PDE11A: variants seen among roughly 807,000 people sequenced by gnomAD.
PDE11A encodes the protein dual 3',5'-cyclic-AMP and -GMP phosphodiesterase 11A.
In PDE11A, 100 loss-of-function variants were observed where a neutral mutation model predicts 100.5. That is an observed-to-expected ratio of 1.00 (90% CI 0.85 to 1.18). The LOEUF (loss-of-function observed/expected upper bound fraction) is 1.18. Among genes scored for constraint, PDE11A ranks in the 50% most tolerant of loss-of-function variants. The pLI is 0.00. For synonymous variants in PDE11A, 381 were observed against 420.8 expected (o/e 0.91, Z 1.16); for missense variants, 1,141 against 1,152.6 (o/e 0.99, Z 0.15).
At chr2:177,743,828 G>C (rs115332230) in intron 10 of PDE11A, among the ~76,000 whole-genome samples, 1 of 152,202 alleles carries the variant, frequency 6.6e-6, no homozygotes, top group African/African-American at 2.4e-5. Context: ...AATCAGGAAG[G>C]GGTGATTGAA....
intron 4 of PDE11A, among the ~76,000 whole-genome samples, chr2:177,883,275 A>AT (rs1322135799): frequency 6.6e-6 from 1 of 151,998 alleles, no homozygotes; most frequent in Non-Finnish European, 1.5e-5. Context: ...CTCAAAAAAA[A>AT]AAAAAAGAAA....
At chr2:177,643,072 C>T (rs529601257) in intron 19 of PDE11A, among the ~76,000 whole-genome samples, 1 of 152,316 alleles carries the variant, frequency 6.6e-6, no homozygotes, top group South Asian at 2.1e-4. Context: ...TTGTAAATCA[C>T]CCAGTCTTGG....
chr2:177,924,190 C>A (rs780204494), intron 2 of PDE11A, among the ~76,000 whole-genome samples: 1 of 152,118 alleles, frequency 6.6e-6, no homozygotes, highest in Non-Finnish European at 1.5e-5. Context: ...GCTTTAAATT[C>A]TTGTCTTCAC....
intron 16 of PDE11A, among the ~76,000 whole-genome samples, chr2:177,678,918 C>T (rs1406542093): frequency 1.3e-5 from 2 of 149,568 alleles, no homozygotes; most frequent in Non-Finnish European, 3.0e-5. Flanking sequence ...TAGAAGGATG[C>T]TGAGGAAAAA....
intron 9 of PDE11A, among the ~76,000 whole-genome samples, chr2:177,805,346 C>T (rs1382710965): frequency 1.3e-5 from 2 of 151,756 alleles, no homozygotes; most frequent in Non-Finnish European, 2.9e-5. Context: ...TTTCAGTTTG[C>T]CTCCACATTC....
chr2:177,728,055 T>C lies in PDE11A; in HGVS notation c.1906A>G (p.Met636Val), dbSNP rs772360696. 8 of 1,613,302 alleles carry C rather than the reference T, an allele frequency of 5.0e-6. No homozygotes were observed. The East Asian group carries it at 1.8e-4, about 36-fold the overall frequency. ...TAGTCAATTTTAAATTTCTGTACCA[T>C]CCCCAGCTCCATGAACATCCGGAGA... ...AALRMFMELGMVQKFKIDYET... is the reference protein window; with the variant it reads ...AALRMFMELGVVQKFKIDYET... The change falls in exon 11 of 20, where the codon ATG becomes GTG. Residue 636 changes from methionine (M) to valine (V), a missense_variant. Coordinates refer to ENST00000286063, the MANE Select transcript of PDE11A (RefSeq NM_016953.4).
chr2:178,052,450 A>T (rs891310014), intron 1 of PDE11A, among the ~76,000 whole-genome samples: 1 of 152,214 alleles, frequency 6.6e-6, no homozygotes, highest in African/African-American at 2.4e-5. Context: ...CACAATTAAA[A>T]GAACTAGAGA....
intron 2 of PDE11A, chr2:177,998,691 G>T: frequency 1.8e-6 from 2 of 1,140,782 alleles, no homozygotes; most frequent in Non-Finnish European, 2.7e-6. Context: ...CACTTGATAG[G>T]CATCTTTATG....
intron 19 of PDE11A, among the ~76,000 whole-genome samples, chr2:177,654,582 A>T (rs1389260712): frequency 6.6e-6 from 1 of 152,138 alleles, no homozygotes; most frequent in East Asian, 1.9e-4. Context: ...CATATTAAGA[A>T]CTTTATGTTG....
chr2:177,828,689 G>T (rs1005865651), intron 6 of PDE11A, among the ~76,000 whole-genome samples: 4 of 152,188 alleles, frequency 2.6e-5, no homozygotes, highest in Non-Finnish European at 5.9e-5. Context: ...AGCCCCTGAG[G>T]TGGGCGTGTA....
At chr2:178,057,071 C>T (rs2086908874) in intron 1 of PDE11A, among the ~76,000 whole-genome samples, 1 of 152,092 alleles carries the variant, frequency 6.6e-6, no homozygotes, top group African/African-American at 2.4e-5. Context: ...TTGAGATAGC[C>T]AGCAGTTCAG....
intron 1 of PDE11A, among the ~76,000 whole-genome samples, chr2:178,043,942 G>T (rs2086713885): frequency 6.6e-6 from 1 of 152,072 alleles, no homozygotes; most frequent in Admixed American, 6.6e-5. Context: ...TGTCCTCAAG[G>T]CCTCTGTCCA....
At chr2:177,678,484 C>G (rs1425616902) in intron 16 of PDE11A, among the ~76,000 whole-genome samples, 1 of 152,016 alleles carries the variant, frequency 6.6e-6, no homozygotes, top group Non-Finnish European at 1.5e-5. Flanking sequence ...GAATTTATAC[C>G]AATAAAAGAC....
intron 19 of PDE11A, among the ~76,000 whole-genome samples, chr2:177,630,001 T>A (rs2079894275): frequency 6.6e-6 from 1 of 152,224 alleles, no homozygotes; most frequent in South Asian, 2.1e-4. Flanking sequence ...TAGATGACTC[T>A]GGGTGGACTT....
rs144784757 is a variant in PDE11A at position 178,016,862 on chromosome 2, T to A, written c.913-2402A>T. Among the ~76,000 whole-genome samples, 30 of 152,316 alleles carry A rather than the reference T, an allele frequency of 2.0e-4. No individual in the cohort carries two copies. The East Asian group carries it at 5.8e-3, about 29-fold the overall frequency. ...AAGGGAGAGTGAAAGAGGGAGGCAG[T>A]GACCAAATGGTGCCAAGTCTCACAG... On this transcript the variant is annotated intron_variant, in intron 1 of 19. Coordinates refer to ENST00000286063, the MANE Select transcript of PDE11A (RefSeq NM_016953.4).
chr2:177,648,718 T>C (rs981659556), intron 19 of PDE11A, among the ~76,000 whole-genome samples: 3 of 152,050 alleles, frequency 2.0e-5, no homozygotes, highest in Non-Finnish European at 2.9e-5. Flanking sequence ...GTAGAACTGA[T>C]AGAAAGACTA....
At chr2:178,001,311 T>TGC (rs59287027) in intron 2 of PDE11A, among the ~76,000 whole-genome samples, 1 of 148,018 alleles carries the variant, frequency 6.8e-6, no homozygotes, top group African/African-American at 2.5e-5. Context: ...TGTGTGTGTG[T>TGC]AGTAGGTTTA....
Position 177,909,883 on chromosome 2 carries a change from C to A in PDE11A, c.1072-4696G>T, listed in dbSNP as rs575560610. ...GGCTTACACTTATTTTCTCTCAGTACTTAAAACATATTATTCCCTTATCAA... is the reference window on the plus strand; with the variant it reads ...GGCTTACACTTATTTTCTCTCAGTAATTAAAACATATTATTCCCTTATCAA... On this transcript the variant is annotated intron_variant, in intron 2 of 19. Transcript: ENST00000286063. 5.6e-4 allele frequency among the ~76,000 whole-genome samples: 85 copies of A among 152,288 alleles called. 1 individual carries two copies. The South Asian group carries it at 0.017, about 31-fold the overall frequency.
rs542510512 is a variant in PDE11A at position 177,805,121 on chromosome 2, C to CA, written c.1737+11707dup. Among the ~76,000 whole-genome samples, 398 of 150,508 alleles carry CA rather than the reference C, an allele frequency of 2.6e-3. 2 individuals carry two copies. The highest frequency in any genetic ancestry group is 7.9e-4 in the Non-Finnish European group (53 of 67,496). On this transcript the variant is annotated intron_variant, in intron 9 of 19. Coordinates refer to ENST00000286063, the MANE Select transcript of PDE11A (RefSeq NM_016953.4). ...TATATATTTAGATGTATGTAGTTTA[C>CA]AAAAAAATGCCTAAAACAAAATGAC...
Sources: gnomAD v4.1 joint callset for allele counts (sites outside exome capture counted in the v4.1 genomes callset) on GRCh38, gnomAD v4.1.1 for gene constraint, MANE v1.5 for transcripts, NCBI Gene and HGNC (gene_info 2026-07-23, HGNC 2026-07-21) for gene names.